Variants in DAB1 observed in about 807,000 individuals in gnomAD.
DAB1 encodes disabled homolog 1.
Under a neutral mutation model 64.6 loss-of-function variants are expected in DAB1, and 15 were observed. The observed-to-expected ratio is 0.23, with a 90% CI of 0.16 to 0.36. The LOEUF (loss-of-function observed/expected upper bound fraction) is 0.36. DAB1 is among the 10% of genes least tolerant of loss of function. The pLI, the probability that DAB1 is intolerant of heterozygous loss-of-function variation, is 1.00. For synonymous variants in DAB1, 235 were observed against 251.9 expected (o/e 0.93, Z 0.64); for missense variants, 596 against 706.7 (o/e 0.84, Z 1.78).
intron 7 of DAB1, among the ~76,000 whole-genome samples, chr1:57,530,298 T>C (rs1205833642): frequency 6.6e-6 from 1 of 152,202 alleles, no homozygotes; most frequent in Non-Finnish European, 1.5e-5. Flanking sequence ...GGAGCCTATG[T>C]TCCTTTTTCT....
chr1:58,539,566 G>C (rs17117728), intron 1 of DAB1, among the ~76,000 whole-genome samples: 4,201 of 152,218 alleles, frequency 0.028, 96 homozygotes, highest in Non-Finnish European at 0.041. Flanking sequence ...TTTTTAGTTA[G>C]GGAAGAGCCA....
intron 6 of DAB1, among the ~76,000 whole-genome samples, chr1:57,680,091 G>A (rs887054313): frequency 2.0e-5 from 3 of 152,186 alleles, no homozygotes; most frequent in Admixed American, 6.6e-5. Context: ...TGCAATTACG[G>A]TCTTACAGTT....
intron 9 of DAB1, among the ~76,000 whole-genome samples, chr1:57,061,737 C>G (rs1650414890): frequency 6.6e-6 from 1 of 152,156 alleles, no homozygotes; most frequent in Non-Finnish European, 1.5e-5. Flanking sequence ...TTCAGCTGCT[C>G]CTCATGGGAT....
At chr1:57,955,640 G>C in intron 5 of DAB1, among the ~76,000 whole-genome samples, 1 of 152,054 alleles carries the variant, frequency 6.6e-6, no homozygotes, top group East Asian at 1.9e-4. Context: ...CTGAAATAGA[G>C]GATACAGCCC....
intron 4 of DAB1, among the ~76,000 whole-genome samples, chr1:57,099,879 G>T (rs1654509503): frequency 6.6e-6 from 1 of 152,172 alleles, no homozygotes; most frequent in Non-Finnish European, 1.5e-5. Flanking sequence ...GAGGAATGAA[G>T]TGAGCCAGAT....
intron 2 of DAB1, among the ~76,000 whole-genome samples, chr1:57,255,782 G>T (rs1397910817): frequency 6.6e-6 from 1 of 152,190 alleles, no homozygotes; most frequent in Admixed American, 6.5e-5. Flanking sequence ...CAGTATTTCT[G>T]ATAATTCTGT....
At chr1:57,342,224 TC>T (rs2100831554) in intron 1 of DAB1, among the ~76,000 whole-genome samples, 1 of 152,316 alleles carries the variant, frequency 6.6e-6, no homozygotes, top group Admixed American at 6.5e-5. Context: ...ACCTGGCTGA[TC>T]CCTATGTATC....
chr1:57,004,261 G>T (rs1645980815), intron 14 of DAB1, among the ~76,000 whole-genome samples: 1 of 152,168 alleles, frequency 6.6e-6, no homozygotes. Flanking sequence ...AGGGCAAATG[G>T]TTTCCTATGT....
Position 58,055,997 on chromosome 1 carries a change from C to T in DAB1, n.387+94514G>A, listed in dbSNP as rs1181355372. On this transcript the variant is annotated intron_variant and non_coding_transcript_variant, in intron 5 of 20. Coordinates refer to the DAB1 transcript ENST00000485760. ...AAGAAATCCGCCTGCCTCGGCCTCA[C>T]ACAGTGCTAAAATTCCAGGTGTGAG... 5 of 685,274 alleles carry T rather than the reference C, an allele frequency of 7.3e-6. No individual in the cohort carries two copies. The Admixed American group carries it at 9.3e-5, about 13-fold the overall frequency. 42.4% of individuals were successfully genotyped at this position (685,274 alleles called of 1,614,324 possible).
chr1:57,095,600 G>T (rs1203226315), intron 4 of DAB1, among the ~76,000 whole-genome samples: 1 of 152,182 alleles, frequency 6.6e-6, no homozygotes, highest in Non-Finnish European at 1.5e-5. Context: ...CACCCTGATG[G>T]CTGGCACAGT....
At chr1:57,071,334 A>G (rs536646910) in intron 6 of DAB1, 188 bp downstream of exon 6, 1 of 719,018 alleles carries the variant, frequency 1.4e-6, no homozygotes, top group African/African-American at 1.8e-5. Context: ...TTCATCTAAC[A>G]TGTCTAGAGT....
intron 1 of DAB1, among the ~76,000 whole-genome samples, chr1:57,403,803 G>T (rs1683426653): frequency 3.3e-5 from 5 of 152,014 alleles, no homozygotes. Context: ...TACCTACACG[G>T]GGCCATTTAA....
At chr1:58,162,905 G>GGGAA (rs1362714550) in intron 4 of DAB1, among the ~76,000 whole-genome samples, 1 of 152,144 alleles carries the variant, frequency 6.6e-6, no homozygotes, top group African/African-American at 2.4e-5. Flanking sequence ...TTGCCCTCCA[G>GGGAA]GGAACATTTG....
At chr1:57,632,097 C>T (rs1277231784) in intron 7 of DAB1, among the ~76,000 whole-genome samples, 3 of 152,094 alleles carry the variant, frequency 2.0e-5, no homozygotes, top group Non-Finnish European at 4.4e-5. Context: ...AGGCCAGGGA[C>T]CTGGTATACC....
At chr1:57,988,037 A>C (rs1376683586) in intron 5 of DAB1, among the ~76,000 whole-genome samples, 2 of 152,110 alleles carry the variant, frequency 1.3e-5, no homozygotes, top group Non-Finnish European at 2.9e-5. Flanking sequence ...GGTTGTCCCT[A>C]CTGAGCTTGG....
chr1:58,496,169 C>CTTTTTTTT (rs375006213), intron 3 of DAB1, among the ~76,000 whole-genome samples: 2 of 144,928 alleles, frequency 1.4e-5, no homozygotes, highest in East Asian at 4.3e-4. Context: ...TTTTTTTAGA[C>CTTTTTTTT]TTTTTTTTTT....
rs188797539 is a variant in DAB1, at chr1:58,037,067, T to G, written n.387+113444A>C. 1.3e-5 allele frequency among the ~76,000 whole-genome samples: 2 copies of G among 152,264 alleles called. 1 individual carries two copies. Among genetic ancestry groups the G allele is most frequent in the Admixed American group, 1.3e-4 (2 of 15,296 alleles). On this transcript the variant is annotated intron_variant and non_coding_transcript_variant, in intron 5 of 20. Transcript: ENST00000485760. ...GCCTTTGTGTAGCTGTTGCTGTCAG[T>G]ACTCCTCCCATCTTCCCTTAGACCG...
intron 13 of DAB1, 40 bp downstream of exon 13, chr1:57,011,105 T>G (rs1197011412): frequency 1.2e-6 from 2 of 1,612,806 alleles, no homozygotes; most frequent in East Asian, 4.5e-5. Flanking sequence ...GGTCTTAATT[T>G]TAAGGAAAAA....
chr1:58,378,276 T>C (rs1644349424), intron 3 of DAB1, among the ~76,000 whole-genome samples: 1 of 111,340 alleles, frequency 9.0e-6, no homozygotes, highest in South Asian at 3.4e-4. Flanking sequence ...GAGTTTCCCG[T>C]TTTTCTGTTC....
Sources: gnomAD v4.1 joint callset for allele counts (sites outside exome capture counted in the v4.1 genomes callset) on GRCh38, gnomAD v4.1.1 for gene constraint, MANE v1.5 for transcripts, NCBI Gene and HGNC (gene_info 2026-07-23, HGNC 2026-07-21) for gene names.